Variants in LINGO2 observed in about 807,000 individuals in gnomAD.
LINGO2 encodes leucine-rich repeat and immunoglobulin-like domain-containing nogo receptor-interacting protein 2.
Under a neutral mutation model 30.6 loss-of-function variants are expected in LINGO2, and 14 were observed. The ratio of observed to expected loss-of-function variants is 0.46; its 90% CI spans 0.30 to 0.72. The LOEUF (loss-of-function observed/expected upper bound fraction) is 0.72. Among genes scored for constraint, LINGO2 ranks in the 30% least tolerant of loss-of-function variants. The probability of loss-of-function intolerance (pLI) is 0.07; values close to 1 mark genes in which losing one functional copy is unlikely to be tolerated. For synonymous variants in LINGO2, 317 were observed against 288.5 expected (o/e 1.10, Z -1.00); for missense variants, 729 against 751.7 (o/e 0.97, Z 0.35).
the LINGO2 span, among the ~76,000 whole-genome samples, chr9:29,055,958 G>GACA: frequency 1.3e-5 from 1 of 75,498 alleles, no homozygotes; most frequent in African/African-American, 4.6e-5. Context: ...ACATATATAT[G>GACA]TACATGTATA....
At chr9:28,701,408 G>C in the LINGO2 span, among the ~76,000 whole-genome samples, 1 of 151,804 alleles carries the variant, frequency 6.6e-6, no homozygotes, top group Admixed American at 6.6e-5. Flanking sequence ...TGATGAAGAG[G>C]CTATTTTTTT....
chr9:28,117,264 C>T (rs1376729844), intron 4 of LINGO2, among the ~76,000 whole-genome samples: 1 of 151,504 alleles, frequency 6.6e-6, no homozygotes, highest in Admixed American at 6.6e-5. Flanking sequence ...GGCAGTCTGC[C>T]CGTTCTCAGA....
intron 5 of LINGO2, among the ~76,000 whole-genome samples, chr9:27,975,295 T>C (rs1353226903): frequency 1.3e-5 from 2 of 152,034 alleles, no homozygotes; most frequent in Admixed American, 1.3e-4. Flanking sequence ...AGTATCTTTC[T>C]TTTTAAAAGT....
chr9:28,381,201 CA>C (rs201385357), intron 2 of LINGO2, among the ~76,000 whole-genome samples: 2 of 150,004 alleles, frequency 1.3e-5, no homozygotes, highest in Non-Finnish European at 3.0e-5. Flanking sequence ...CAGAACAGAG[CA>C]AAAAAAACAA....
intron 2 of LINGO2, among the ~76,000 whole-genome samples, chr9:28,414,304 G>A (rs1822887150): frequency 1.3e-5 from 2 of 152,018 alleles, no homozygotes; most frequent in Admixed American, 6.6e-5. Flanking sequence ...CTTGAAGCAG[G>A]TAGAAATCCA....
chr9:28,492,196 G>C (rs1449412749), intron 1 of LINGO2, among the ~76,000 whole-genome samples: 2 of 152,156 alleles, frequency 1.3e-5, no homozygotes, highest in Non-Finnish European at 2.9e-5. Flanking sequence ...ATTCCATTCG[G>C]TGTTGTGTAT....
At chr9:28,327,943 G>C (rs10968510) in intron 3 of LINGO2, among the ~76,000 whole-genome samples, 19,813 of 152,176 alleles carry the variant, frequency 0.13, 1,482 homozygotes, top group Middle Eastern at 0.27. Context: ...AAAAAAATAA[G>C]AGTGGAAGAG....
intron 5 of LINGO2, among the ~76,000 whole-genome samples, chr9:27,973,843 T>A (rs1026743039): frequency 3.9e-5 from 6 of 152,222 alleles, no homozygotes; most frequent in African/African-American, 1.2e-4. Context: ...ATTAGTGTTT[T>A]ATCAAAAGCC....
At chr9:28,198,784 A>G (rs565456394) in intron 4 of LINGO2, among the ~76,000 whole-genome samples, 1 of 152,168 alleles carries the variant, frequency 6.6e-6, no homozygotes, top group African/African-American at 2.4e-5. Flanking sequence ...TATTCAGCTC[A>G]GTAAAGTTTA....
rs114257328 is a variant in LINGO2 at position 28,493,768 on chromosome 9, G to A, written c.-364-17743C>T. Among the ~76,000 whole-genome samples, 764 of 152,158 alleles carry A rather than the reference G, an allele frequency of 5.0e-3. 8 individuals are homozygous for A. The highest frequency in any genetic ancestry group is 0.018 in the African/African-American group (730 of 41,520). On this transcript the variant is annotated intron_variant, in intron 1 of 5. Transcript: ENST00000379992. Reference sequence around the variant, plus strand: ...AGCAGACCCACACTTAATCTGAGTGGGTACAGATCTAATAAACTGCCAGCA... The same window carrying A: ...AGCAGACCCACACTTAATCTGAGTGAGTACAGATCTAATAAACTGCCAGCA...
intron 5 of LINGO2, among the ~76,000 whole-genome samples, chr9:27,982,492 T>C (rs1200514297): frequency 6.6e-6 from 1 of 151,814 alleles, no homozygotes; most frequent in Non-Finnish European, 1.5e-5. Context: ...TTCCTACATA[T>C]CAGGTTCTAA....
chr9:28,987,444 G>A, the LINGO2 span, among the ~76,000 whole-genome samples: 316 of 151,686 alleles, frequency 2.1e-3, 2 homozygotes, highest in East Asian at 5.0e-3. Context: ...TTTTTTCACA[G>A]TTGACTAAAT....
chr9:27,977,496 A>AGT (rs1316147996), intron 5 of LINGO2, among the ~76,000 whole-genome samples: 7 of 152,000 alleles, frequency 4.6e-5, no homozygotes, highest in Non-Finnish European at 1.0e-4. Flanking sequence ...CTCCCTGACT[A>AGT]CAAGTATAAA....
chr9:29,044,724 A>C, the LINGO2 span, among the ~76,000 whole-genome samples: 1 of 152,030 alleles, frequency 6.6e-6, no homozygotes, highest in Admixed American at 6.6e-5. Flanking sequence ...ATAAAATAAA[A>C]TATAGAAGTC....
At chr9:27,963,141 TCTCA>T (rs1197832107) in intron 5 of LINGO2, among the ~76,000 whole-genome samples, 6 of 152,184 alleles carry the variant, frequency 3.9e-5, no homozygotes, top group Admixed American at 2.6e-4. Context: ...TGTCTATGAT[TCTCA>T]CTATTTCCTC....
chr9:28,199,346 T>C (rs1820135837), intron 4 of LINGO2, among the ~76,000 whole-genome samples: 2 of 126,658 alleles, frequency 1.6e-5, no homozygotes, highest in Non-Finnish European at 1.8e-5. Context: ...TTCTTCTTCT[T>C]TTTTTTTTTT....
At chr9:28,232,419 C>CA (rs1220539550) in intron 4 of LINGO2, among the ~76,000 whole-genome samples, 35,067 of 80,026 alleles carry the variant, frequency 0.44, 6,802 homozygotes, top group South Asian at 0.55. Flanking sequence ...TTCTATCTCA[C>CA]AAAAAAAAAA....
At chr9:28,494,247 T>G (rs1449879060) in intron 1 of LINGO2, among the ~76,000 whole-genome samples, 1 of 152,144 alleles carries the variant, frequency 6.6e-6, no homozygotes, top group Non-Finnish European at 1.5e-5. Flanking sequence ...CTTTAAGCAC[T>G]AGGGTACATG....
intron 3 of LINGO2, among the ~76,000 whole-genome samples, chr9:28,370,169 C>T (rs1363718280): frequency 2.0e-5 from 3 of 152,168 alleles, no homozygotes; most frequent in Non-Finnish European, 2.9e-5. Context: ...CTTATTCTAA[C>T]GTTTAGCCTC....
Sources: gnomAD v4.1 joint callset for allele counts (sites outside exome capture counted in the v4.1 genomes callset) on GRCh38, gnomAD v4.1.1 for gene constraint, MANE v1.5 for transcripts, NCBI Gene and HGNC (gene_info 2026-07-23, HGNC 2026-07-21) for gene names.